BIRC6: variants seen among roughly 807,000 people sequenced by gnomAD.
The protein encoded by BIRC6 is dual E2 ubiquitin-conjugating enzyme/E3 ubiquitin-protein ligase BIRC6.
Under a neutral mutation model 503.3 loss-of-function variants are expected in BIRC6, and 98 were observed. The ratio of observed to expected loss-of-function variants is 0.19; its 90% CI spans 0.17 to 0.23. The LOEUF (loss-of-function observed/expected upper bound fraction) is 0.23, where lower values mean the gene tolerates loss of function less well. BIRC6 is among the 10% of genes least tolerant of loss of function. The probability of loss-of-function intolerance (pLI) is 1.00; values close to 1 mark genes in which losing one functional copy is unlikely to be tolerated. For synonymous variants in BIRC6, 2,240 were observed against 2,078.7 expected, an observed-to-expected ratio of 1.08 and a Z score of -2.11; for missense variants, 5,360 against 5,806.0, an observed-to-expected ratio of 0.92 and a Z score of 2.50.
rs1258001986 is a variant in BIRC6 at position 32,575,254 on chromosome 2, C to A, written c.13243C>A (p.Leu4415Ile). Residue 4415 changes from leucine (L) to isoleucine (I), a missense_variant, in exon 66 of 74, where the codon CTT becomes ATT. Coordinates refer to ENST00000421745, the MANE Select transcript of BIRC6 (RefSeq NM_016252.4). ...TGCCATGGTGCCCCTATTGTTGCCCCTTTCTACAGAGAACGGTGAAGAGGA... is the reference window on the plus strand; with the variant it reads ...TGCCATGGTGCCCCTATTGTTGCCCATTTCTACAGAGAACGGTGAAGAGGA... ...CAAMVPLLLP[L>I]STENGEEEEE... 2.5e-6 allele frequency: 4 copies of A among 1,613,836 alleles called. No homozygotes were observed. The highest frequency in any genetic ancestry group is 1.6e-4 in the Middle Eastern group (1 of 6,084).
chr2:32,491,925 C>T (rs1022344917), intron 44 of BIRC6, among the ~76,000 whole-genome samples: 8 of 152,002 alleles, frequency 5.3e-5, no homozygotes, highest in Non-Finnish European at 1.2e-4. Context: ...ATTATCAATT[C>T]ACCTTAATCA....
chr2:32,508,332 T>C (rs899010322), intron 51 of BIRC6, 73 bp downstream of exon 51: 8 of 1,433,246 alleles, frequency 5.6e-6, no homozygotes, highest in Non-Finnish European at 6.4e-6. Flanking sequence ...GGGACTTAAT[T>C]ATTTTGTGGG....
chr2:32,533,375 A>G (rs1368261836), intron 61 of BIRC6, among the ~76,000 whole-genome samples: 1 of 152,236 alleles, frequency 6.6e-6, no homozygotes, highest in Non-Finnish European at 1.5e-5. Flanking sequence ...TGGTGAAAGT[A>G]CAACCTGTCT....
At chr2:32,447,677 G>T (rs2046210921) in intron 21 of BIRC6, among the ~76,000 whole-genome samples, 1 of 116,722 alleles carries the variant, frequency 8.6e-6, no homozygotes. Flanking sequence ...CCCCCTCCCG[G>T]ACTGGGCGGC....
chr2:32,435,357 C>A, intron 13 of BIRC6, 139 bp from the exon 14 acceptor site: 1 of 918,448 alleles, frequency 1.1e-6, no homozygotes, highest in Non-Finnish European at 1.5e-6. Context: ...ATGAAAATCA[C>A]AGAAGTTCCC....
intron 3 of BIRC6, among the ~76,000 whole-genome samples, chr2:32,385,506 T>G (rs1197969394): frequency 1.3e-5 from 2 of 152,220 alleles, no homozygotes; most frequent in Non-Finnish European, 2.9e-5. Context: ...CTGGGACTAG[T>G]AAGGAACTAG....
chr2:32,505,213 A>C lies in BIRC6; in HGVS notation c.9700+8A>C, dbSNP rs2053660368. 2 of 1,540,340 alleles carry C rather than the reference A, an allele frequency of 1.3e-6. No individual in the cohort carries two copies. Among genetic ancestry groups the C allele is most frequent in the African/African-American group, 2.7e-5 (2 of 73,084 alleles). On this transcript the variant is annotated splice_region_variant and intron_variant, in intron 50 of 73. Transcript: ENST00000421745. ...ATCTTGCATCTCTTGCAAGTGAGTA[A>C]TATTTTATAAAGAAGCATCATGAGA...
intron 1 of BIRC6, among the ~76,000 whole-genome samples, chr2:32,377,105 A>G (rs914830688): frequency 2.0e-4 from 31 of 152,314 alleles, no homozygotes; most frequent in Admixed American, 7.8e-4. Flanking sequence ...GCACTTACAG[A>G]AAAATTGCAA....
intron 65 of BIRC6, among the ~76,000 whole-genome samples, chr2:32,571,732 TG>T (rs2059929271): frequency 6.6e-6 from 1 of 152,084 alleles, no homozygotes; most frequent in South Asian, 2.1e-4. Context: ...ATTTTTGTTG[TG>T]GGGGGCTGTA....
chr2:32,441,029 G>T (rs2045374472), intron 16 of BIRC6, among the ~76,000 whole-genome samples: 1 of 151,956 alleles, frequency 6.6e-6, no homozygotes, highest in Non-Finnish European at 1.5e-5. Flanking sequence ...CAAAGCTCTG[G>T]GATTACAGGC....
In BIRC6 at chr2:32,601,568, C is replaced by T. The variant is rs575120651; in HGVS notation, c.13993-1438C>T. 3.0e-3 allele frequency among the ~76,000 whole-genome samples: 456 copies of T among 151,262 alleles called. 2 individuals are homozygous for T. The highest frequency in any genetic ancestry group is 0.011 in the African/African-American group (440 of 41,198). The stretch of plus-strand genomic sequence containing the variant: ...TGCACTCCAGCCTGGGCTACAGGAG[C>T]GAAATTCTGTCTAAAAAAAAAAAGA... On this transcript the variant is annotated intron_variant, in intron 70 of 73. Transcript: ENST00000421745.
At chr2:32,365,358 C>T (rs971604022) in intron 1 of BIRC6, among the ~76,000 whole-genome samples, 2 of 144,630 alleles carry the variant, frequency 1.4e-5, no homozygotes, top group Non-Finnish European at 3.0e-5. Flanking sequence ...GTCGCCCTGT[C>T]GCCCAGGCTG....
In BIRC6 at chr2:32,546,826, C is replaced by G. The variant is rs559968362; in HGVS notation, c.12810+966C>G. Among the ~76,000 whole-genome samples the G allele has an allele frequency of 1.1e-4, 16 of 152,182 alleles. No homozygotes were observed. In the East Asian group the frequency reaches 2.7e-3, roughly 26 times the overall value. ...GGGCATGGTAGCTCATGTTTGTAATCCCAGCACTTTGGGACATAGAGGCAG... is the reference window on the plus strand; with the variant it reads ...GGGCATGGTAGCTCATGTTTGTAATGCCAGCACTTTGGGACATAGAGGCAG... On this transcript the variant is annotated intron_variant, in intron 63 of 73. Transcript: ENST00000421745.
rs777971208 is a variant in BIRC6, at chr2:32,518,380, C to A, written c.11476C>A (p.Leu3826Ile). Residue 3826 changes from leucine (L) to isoleucine (I), a missense_variant, in exon 56 of 74, where the codon CTT (leucine) becomes ATT (isoleucine). This residue lies in a region of BIRC6 where 878 missense variants were observed against 928.9 expected (regional missense o/e 0.95). Coordinates refer to ENST00000421745, the MANE Select transcript of BIRC6 (RefSeq NM_016252.4). ...GGAAGATGAGAAAGTGACAATGTTT[C>A]TTCAGTCTCCATGTCCAGTGAGTAT... Reference protein sequence around the residue: ...MLEDEKVTMFLQSPCPLYKGR... With the variant: ...MLEDEKVTMFIQSPCPLYKGR... 1 of 1,609,126 alleles carries A rather than the reference C, an allele frequency of 6.2e-7. No homozygotes were observed. The highest frequency in any genetic ancestry group is 1.1e-5 in the South Asian group (1 of 89,602).
intron 10 of BIRC6, among the ~76,000 whole-genome samples, chr2:32,420,883 A>T (rs1306673214): frequency 2.1e-5 from 3 of 142,284 alleles, no homozygotes; most frequent in East Asian, 2.0e-4. Context: ...CTGATCGATG[A>T]TTTGTATTTT....
chr2:32,377,788 C>G lies in BIRC6; in HGVS notation c.507+19C>G, dbSNP rs1483657255. The stretch of plus-strand genomic sequence containing the variant: ...TACAGAGGTAAGTTGAAATAAGTAT[C>G]AATGTGGTCCTCTACTTAATGTAAT... On this transcript the variant is annotated intron_variant, in intron 2 of 73. Transcript: ENST00000421745. The G allele has an allele frequency of 6.3e-6, 10 of 1,590,120 alleles. No individual in the cohort carries two copies. Among genetic ancestry groups the G allele is most frequent in the Non-Finnish European group, 7.7e-6 (9 of 1,164,952 alleles).
At chr2:32,393,554 C>T (rs970751099) in intron 5 of BIRC6, among the ~76,000 whole-genome samples, 1 of 152,076 alleles carries the variant, frequency 6.6e-6, no homozygotes, top group African/African-American at 2.4e-5. Flanking sequence ...TCTGTCAACC[C>T]AAGTTGGAGT....
At chr2:32,466,547 G>A (rs72800808) in intron 26 of BIRC6, among the ~76,000 whole-genome samples, 2,023 of 152,220 alleles carry the variant, frequency 0.013, 23 homozygotes, top group Non-Finnish European at 0.023. Flanking sequence ...CAACTTCACA[G>A]GAAGTTAAGC....
intron 66 of BIRC6, among the ~76,000 whole-genome samples, chr2:32,582,660 G>A (rs1573180454): frequency 6.6e-6 from 1 of 152,220 alleles, no homozygotes; most frequent in African/African-American, 2.4e-5. Context: ...AGCTACCGAG[G>A]CAGGAGAATC....
Sources: gnomAD v4.1 joint callset for allele counts (sites outside exome capture counted in the v4.1 genomes callset) on GRCh38, gnomAD v4.1.1 for gene constraint, gnomAD v4.1.1 regional missense constraint, MANE v1.5 for transcripts, NCBI Gene and HGNC (gene_info 2026-07-23, HGNC 2026-07-21) for gene names.